ANKRD17: variants seen among roughly 807,000 people sequenced by gnomAD.
ANKRD17 encodes the protein ankyrin repeat domain-containing protein 17.
A neutral mutation model predicts 229.7 loss-of-function variants in ANKRD17; 19 were observed. The ratio of observed to expected loss-of-function variants is 0.08; its 90% CI spans 0.06 to 0.12. The LOEUF (loss-of-function observed/expected upper bound fraction) is 0.12. ANKRD17 is among the 10% of genes least tolerant of loss of function. The pLI is 1.00. For missense variants in ANKRD17, 2,176 were observed against 3,176.8 expected (o/e 0.68, Z 7.57); for synonymous variants, 1,112 against 1,146.1 (o/e 0.97, Z 0.60).
At chr4:73,131,609 T>TA (rs1412239457) in intron 16 of ANKRD17, among the ~76,000 whole-genome samples, 3 of 151,984 alleles carry the variant, frequency 2.0e-5, no homozygotes, top group African/African-American at 4.8e-5. Context: ...AAGTTAAAAA[T>TA]AAAAAAACAA....
chr4:73,092,229 A>G lies in ANKRD17; in HGVS notation c.5399T>C (p.Ile1800Thr). Residue 1800 changes from isoleucine to threonine, a missense_variant, in exon 29 of 34, where the codon ATT becomes ACT. Around this residue, in one of 18 missense-constraint regions of ANKRD17, gnomAD observed 142 missense variants for 200.4 expected, o/e 0.71. Transcript: ENST00000358602. ...NALIKDPDKEIDELIPKNRLK... is the reference protein window; with the variant it reads ...NALIKDPDKETDELIPKNRLK... ...ACGATTCTTTGGAATAAGTTCATCAATTTCTTTGTCTGGATCCTTGATCAA... is the reference window on the plus strand; with the variant it reads ...ACGATTCTTTGGAATAAGTTCATCAGTTTCTTTGTCTGGATCCTTGATCAA... The G allele has an allele frequency of 6.2e-7, 1 of 1,614,152 alleles. No homozygotes were observed. The highest frequency in any genetic ancestry group is 8.5e-7 in the Non-Finnish European group (1 of 1,180,034).
chr4:73,162,945 G>A (rs566695273), intron 2 of ANKRD17, among the ~76,000 whole-genome samples: 51 of 151,686 alleles, frequency 3.4e-4, no homozygotes, highest in African/African-American at 1.2e-3. Context: ...CTGCAGCCTC[G>A]ACCTCCCGGG....
chr4:73,094,377 G>A (rs1723080393), intron 27 of ANKRD17, 149 bp from the exon 28 acceptor site: 1 of 719,248 alleles, frequency 1.4e-6, no homozygotes, highest in South Asian at 2.2e-5. Flanking sequence ...TACTCTAGAT[G>A]AACAGAGAAA....
chr4:73,099,236 C>T (rs1723662034), intron 25 of ANKRD17: 1 of 573,760 alleles, frequency 1.7e-6, no homozygotes, highest in Non-Finnish European at 3.3e-6. Context: ...CGCCCCTTTC[C>T]CAGGCTCACC....
chr4:73,256,537 C>T (rs1241438197), intron 1 of ANKRD17, among the ~76,000 whole-genome samples: 1 of 152,176 alleles, frequency 6.6e-6, no homozygotes, highest in African/African-American at 2.4e-5. Flanking sequence ...AGGTCTGAGA[C>T]ATTAGAAAAC....
At chr4:73,117,654 T>G (rs1726135934) in intron 22 of ANKRD17, among the ~76,000 whole-genome samples, 1 of 152,066 alleles carries the variant, frequency 6.6e-6, no homozygotes, top group Admixed American at 6.5e-5. Flanking sequence ...AAGGAAGAAA[T>G]AGCTTATTGT....
chr4:73,083,660 G>GTATTAAAAAA (rs1721793430), intron 30 of ANKRD17, among the ~76,000 whole-genome samples: 1 of 152,086 alleles, frequency 6.6e-6, no homozygotes, highest in Non-Finnish European at 1.5e-5. Context: ...AACCTAACCT[G>GTATTAAAAAA]GGTGGTGTGG....
At chr4:73,154,875 A>G (rs902153981) in intron 5 of ANKRD17, among the ~76,000 whole-genome samples, 10 of 151,988 alleles carry the variant, frequency 6.6e-5, no homozygotes, top group Non-Finnish European at 1.0e-4. Context: ...CCCCGTCTCT[A>G]CTAAAAATAC....
chr4:73,148,698 T>C, intron 8 of ANKRD17, 115 bp downstream of exon 8: 1 of 915,806 alleles, frequency 1.1e-6, no homozygotes, highest in Non-Finnish European at 1.7e-6. Context: ...CACTGGTTTG[T>C]GTAATAGCTC....
chr4:73,190,999 G>A (rs1450470187), intron 1 of ANKRD17, among the ~76,000 whole-genome samples: 5 of 152,058 alleles, frequency 3.3e-5, no homozygotes, highest in African/African-American at 1.2e-4. Context: ...AAATTAATCT[G>A]TAAATTCAAT....
At chr4:73,086,862 C>A (rs1722177894) in intron 29 of ANKRD17, among the ~76,000 whole-genome samples, 1 of 124,332 alleles carries the variant, frequency 8.0e-6, no homozygotes. Context: ...TGTGCCACTG[C>A]ACTCCAGCCT....
chr4:73,142,799 A>G (rs1400135972), intron 11 of ANKRD17, 32 bp from the exon 12 acceptor site: 1 of 1,576,546 alleles, frequency 6.3e-7, no homozygotes, highest in South Asian at 1.2e-5. Flanking sequence ...AAATCATATT[A>G]GTAGAATGGT....
At chr4:73,225,038 T>C (rs1225560181) in intron 1 of ANKRD17, among the ~76,000 whole-genome samples, 1 of 152,198 alleles carries the variant, frequency 6.6e-6, no homozygotes, top group Non-Finnish European at 1.5e-5. Flanking sequence ...CCATACCTAG[T>C]GTTTACATTT....
intron 1 of ANKRD17, among the ~76,000 whole-genome samples, chr4:73,198,626 A>G (rs1343227349): frequency 1.3e-5 from 2 of 152,224 alleles, no homozygotes; most frequent in Admixed American, 6.5e-5. Flanking sequence ...TTCTTAGTAT[A>G]AACAGTCTAG....
At chr4:73,203,758 C>CAAAAAAAAAAAAA (rs67020753) in intron 1 of ANKRD17, among the ~76,000 whole-genome samples, 18 of 82,158 alleles carry the variant, frequency 2.2e-4, no homozygotes, top group Admixed American at 3.1e-4. Flanking sequence ...GACTCCGTCT[C>CAAAAAAAAAAAAA]AAAAAAAAAA....
At chr4:73,135,305 T>C (rs750383738) in intron 15 of ANKRD17, 40 bp from the exon 16 acceptor site, 13 of 1,585,366 alleles carry the variant, frequency 8.2e-6, no homozygotes, top group Non-Finnish European at 1.0e-5. Context: ...GGATGAAACA[T>C]TGTTAAGTAA....
At position 73,156,058 on chromosome 4, in the gene ANKRD17, A is replaced by G. The variant is rs151304836; in HGVS notation, c.813T>C (p.Leu271=). The change falls in exon 4 of 34, where the codon CTT becomes CTC. Residue 271 remains leucine, a synonymous_variant. Coordinates refer to ENST00000358602, the MANE Select transcript of ANKRD17 (RefSeq NM_032217.5). ...AGTATCCAGCAGAACAAGCTAAACA[A>G]AGGAGGCTCTCCCCTTCCTCTGTGT... ...NEHTEEGESL[L]CLACSAGYYE... 2 of 1,611,782 alleles carry G rather than the reference A, an allele frequency of 1.2e-6. No homozygotes were observed.
At chr4:73,185,619 C>G (rs1736193594) in intron 1 of ANKRD17, among the ~76,000 whole-genome samples, 1 of 151,808 alleles carries the variant, frequency 6.6e-6, no homozygotes, top group Admixed American at 6.6e-5. Context: ...TTTTTAGGAC[C>G]AATTTAGACA....
chr4:73,229,641 A>ATG (rs1560764250), intron 1 of ANKRD17, among the ~76,000 whole-genome samples: 1 of 150,484 alleles, frequency 6.6e-6, no homozygotes, highest in Non-Finnish European at 1.5e-5. Context: ...TGCAGAGTCT[A>ATG]TATATATATA....
Sources: allele counts gnomAD v4.1 joint callset (sites outside exome capture counted in the v4.1 genomes callset), GRCh38; gene constraint gnomAD v4.1.1; regional missense constraint gnomAD v4.1.1; transcripts MANE v1.5; gene names NCBI Gene and HGNC (gene_info 2026-07-23, HGNC 2026-07-21).